CCDC33: variants seen among roughly 807,000 people sequenced by gnomAD.
The protein encoded by CCDC33 is coiled-coil domain containing 33, also known as coiled-coil domain-containing protein 33.
Under a neutral mutation model 91.9 loss-of-function variants are expected in CCDC33, and 94 were observed. That is an observed-to-expected ratio of 1.02 (90% CI 0.87 to 1.21). The LOEUF is 1.21. Among genes scored for constraint, CCDC33 ranks in the 50% most tolerant of loss-of-function variants. CCDC33 has a pLI of 0.00. For synonymous variants in CCDC33, 396 were observed against 374.5 expected, an observed-to-expected ratio of 1.06 and a Z score of -0.66; for missense variants, 940 against 935.5, an observed-to-expected ratio of 1.00 and a Z score of -0.06.
At chr15:74,290,824 A>T (rs2059571390) in intron 10 of CCDC33, among the ~76,000 whole-genome samples, 1 of 152,208 alleles carries the variant, frequency 6.6e-6, no homozygotes, top group South Asian at 2.1e-4. Context: ...TTGGAGCAGC[A>T]GTAGGATGTG....
At chr15:74,297,356 T>G (rs991851955) in intron 11 of CCDC33, among the ~76,000 whole-genome samples, 1 of 152,194 alleles carries the variant, frequency 6.6e-6, no homozygotes, top group South Asian at 2.1e-4. Flanking sequence ...CTCCACATCC[T>G]GGCCTCGTGG....
In CCDC33 at chr15:74,236,508, G is replaced by T; in HGVS notation, c.-212G>T. 1.1e-5 allele frequency: 4 copies of T among 357,296 alleles called. No homozygotes were observed. Among genetic ancestry groups the T allele is most frequent in the Non-Finnish European group, 2.1e-5 (4 of 191,148 alleles). The allele number at this position is 357,296 out of a possible 1,614,324, so 22.1% of individuals were successfully genotyped here. ...AGAGATCCAGGACCTGCTCCCACCT[G>T]GCCACCCTCCCCCTCCCCCCACATC... On this transcript the variant is annotated 5_prime_UTR_variant, in exon 1 of 19. Transcript: ENST00000398814.
rs1421398248 is a variant in CCDC33 at position 74,269,731 on chromosome 15, AC to A, written c.546+1274del. Among the ~76,000 whole-genome samples the A allele has an allele frequency of 2.7e-5, 4 of 145,604 alleles. No individual in the cohort carries two copies. In the East Asian group the frequency reaches 6.2e-4, roughly 23 times the overall value. On this transcript the variant is annotated intron_variant, in intron 5 of 18. Transcript: ENST00000398814. The stretch of plus-strand genomic sequence containing the variant: ...GTAGAGTAGGGGCCTTCTCTGGCTC[AC>A]AGCACCCTGCCCACTCTCCTGCCCC...
chr15:74,296,020 C>A (rs2059679738), intron 11 of CCDC33, 72 bp downstream of exon 11: 2 of 1,331,298 alleles, frequency 1.5e-6, no homozygotes, highest in Non-Finnish European at 2.1e-6. Context: ...TGACTGCCAT[C>A]TGCAGGACTG....
chr15:74,260,838 A>G (rs1029585837), intron 2 of CCDC33, among the ~76,000 whole-genome samples: 1 of 152,186 alleles, frequency 6.6e-6, no homozygotes, highest in African/African-American at 2.4e-5. Flanking sequence ...CTCTGGTGCT[A>G]TGGGGTAATA....
intron 15 of CCDC33, among the ~76,000 whole-genome samples, chr15:74,332,163 A>C: frequency 6.6e-6 from 1 of 152,252 alleles, no homozygotes; most frequent in East Asian, 1.9e-4. Context: ...AGCCCAAAGC[A>C]AGGGATTTCC....
intron 2 of CCDC33, among the ~76,000 whole-genome samples, chr15:74,257,999 G>A (rs761545770): frequency 2.6e-5 from 4 of 152,184 alleles, no homozygotes; most frequent in Non-Finnish European, 5.9e-5. Flanking sequence ...GCAGGTTGAG[G>A]AGAATTGCCC....
chr15:74,298,443 G>A (rs891484294), intron 11 of CCDC33, among the ~76,000 whole-genome samples: 3 of 152,194 alleles, frequency 2.0e-5, no homozygotes, highest in African/African-American at 7.2e-5. Context: ...GGCCAGTCTT[G>A]ATTTTCTCTT....
intron 9 of CCDC33, 121 bp downstream of exon 9, chr15:74,280,922 G>T: frequency 9.6e-7 from 1 of 1,038,608 alleles, no homozygotes; most frequent in Non-Finnish European, 1.3e-6. Flanking sequence ...CTTCTGTCAA[G>T]GCACCCACCA....
In CCDC33 at chr15:74,330,966, T is replaced by TC. The variant is rs757095431; in HGVS notation, c.1546-10dup. 2 of 1,572,904 alleles carry TC rather than the reference T, an allele frequency of 1.3e-6. No homozygotes were observed. The highest frequency in any genetic ancestry group is 4.5e-5 in the East Asian group (2 of 44,464). On this transcript the variant is annotated splice_polypyrimidine_tract_variant and intron_variant, in intron 13 of 18. Transcript: ENST00000398814. ...GCACCCATTCTCTCCCCTTCTCTCC[T>TC]CCCCCATCTCACAGAAGAATGATCG... is the stretch of plus-strand genomic sequence containing the variant.
intron 11 of CCDC33, among the ~76,000 whole-genome samples, chr15:74,327,617 G>A (rs529963225): frequency 5.3e-5 from 8 of 152,240 alleles, no homozygotes; most frequent in African/African-American, 1.9e-4. Context: ...CCTGGGTGAT[G>A]GAGTGAGACT....
chr15:74,211,326 ACT>A (rs2074365750), intron 2 of CCDC33, among the ~76,000 whole-genome samples: 1 of 148,736 alleles, frequency 6.7e-6, no homozygotes, highest in African/African-American at 2.5e-5. Flanking sequence ...ACCTCTCAAT[ACT>A]CTGTCTGATA....
intron 2 of CCDC33, among the ~76,000 whole-genome samples, chr15:74,251,126 A>ATGCTGCTGCAGGCCTGCC (rs1474210606): frequency 2.6e-5 from 4 of 152,232 alleles, no homozygotes; most frequent in Non-Finnish European, 4.4e-5. Flanking sequence ...TTTGGCCTGC[A>ATGCTGCTGCAGGCCTGCC]TGCTGCTGCA....
rs111440108 is a variant in CCDC33, at chr15:74,206,126, G to A, written n.89+3028G>A. Among the ~76,000 whole-genome samples the A allele has an allele frequency of 5.4e-4, 82 of 152,276 alleles. 1 individual carries two copies. Among genetic ancestry groups the A allele is most frequent in the African/African-American group, 1.8e-3 (76 of 41,564 alleles). On this transcript the variant is annotated intron_variant and non_coding_transcript_variant, in intron 1 of 3. Transcript: ENST00000558645. ...TGTGAACTCTCCCCACAAGGCCCCC[G>A]TCCCTGCACACCAGTAACCAGTTGT...
At position 74,332,862 on chromosome 15, in the gene CCDC33, C is replaced by T. The variant is rs747481706; in HGVS notation, c.1938+17C>T. 3 of 1,611,460 alleles carry T rather than the reference C, an allele frequency of 1.9e-6. No homozygotes were observed. The highest frequency in any genetic ancestry group is 4.5e-5 in the East Asian group (2 of 44,842). ...GCCCTGCCGGTAAGAGGCCCTTGAC[C>T]TGGGCCTGCCTATGCCGGTCACTGG... On this transcript the variant is annotated intron_variant, in intron 16 of 18. Coordinates refer to ENST00000398814, the MANE Select transcript of CCDC33 (RefSeq NM_025055.5).
At chr15:74,245,034 C>G (rs983290374) in intron 2 of CCDC33, among the ~76,000 whole-genome samples, 3 of 152,190 alleles carry the variant, frequency 2.0e-5, no homozygotes, top group African/African-American at 7.2e-5. Context: ...CTGCTGAAAT[C>G]CTGCCTTCAA....
chr15:74,323,057 C>G (rs972601903), intron 11 of CCDC33, among the ~76,000 whole-genome samples: 2 of 152,138 alleles, frequency 1.3e-5, no homozygotes, highest in African/African-American at 4.8e-5. Flanking sequence ...ATCCCTCCCT[C>G]TTACCTTCTA....
At chr15:74,303,635 C>T (rs2059836722) in intron 11 of CCDC33, 1 of 152,736 alleles carries the variant, frequency 6.5e-6, no homozygotes, top group African/African-American at 2.4e-5. Flanking sequence ...TGCTCTCTCC[C>T]AGTCACCTCT....
chr15:74,213,799 G>C (rs956243929), upstream of CCDC33, among the ~76,000 whole-genome samples: 1 of 152,220 alleles, frequency 6.6e-6, no homozygotes, highest in African/African-American at 2.4e-5. Flanking sequence ...GTACCCCTGC[G>C]GGGGAAGGGA....
Sources: allele counts gnomAD v4.1 joint callset (sites outside exome capture counted in the v4.1 genomes callset), GRCh38; gene constraint gnomAD v4.1.1; transcripts MANE v1.5; gene names NCBI Gene and HGNC (gene_info 2026-07-23, HGNC 2026-07-21).